COIL: variants seen among roughly 807,000 people sequenced by gnomAD.
The protein encoded by COIL is coilin p80.
Under a neutral mutation model 51.6 loss-of-function variants are expected in COIL, and 28 were observed. That is an observed-to-expected ratio of 0.54 (90% confidence interval 0.40 to 0.74). The LOEUF is 0.74. Ranked by LOEUF, COIL falls within the 30% of genes least tolerant of loss-of-function variation. COIL has a pLI of 0.00. For synonymous variants in COIL, 233 were observed against 255.8 expected (o/e 0.91, Z 0.85); for missense variants, 667 against 685.9 (o/e 0.97, Z 0.31).
chr17:56,951,895 G>T (rs1454189441), intron 1 of COIL: 1 of 161,842 alleles, frequency 6.2e-6, no homozygotes, highest in Non-Finnish European at 1.3e-5. Context: ...CTCCCTCCCA[G>T]GTTCAAGAGA....
rs112615715 is a variant in COIL, at chr17:56,942,237, A to G, written c.1559-114T>C. ...AACAACCACAAACAAACTGTCAATT[A>G]ATGTGAAGGCTGGGTATGTACAGGA... On this transcript the variant is annotated intron_variant, in intron 5 of 6. Coordinates refer to ENST00000240316, the MANE Select transcript of COIL (RefSeq NM_004645.3). 3.0e-4 allele frequency: 251 copies of G among 828,348 alleles called. 1 individual carries two copies. The African/African-American group carries it at 3.7e-3, about 12-fold the overall frequency. 51.3% of individuals were successfully genotyped at this position (828,348 alleles called of 1,614,324 possible). A position where few individuals can be genotyped will look rare whatever the true frequency, so the allele number is the denominator to read the frequency against.
chr17:56,947,825 T>C (rs1042267462), intron 4 of COIL, among the ~76,000 whole-genome samples: 5 of 152,048 alleles, frequency 3.3e-5, no homozygotes, highest in Non-Finnish European at 7.4e-5. Flanking sequence ...TTTATAGAGG[T>C]TGTGGGATGT....
Position 56,938,985 on chromosome 17 carries a change from A to G in COIL, c.*86T>C, listed in dbSNP as rs1416073035. The G allele has an allele frequency of 7.1e-6, 5 of 704,764 alleles. No homozygotes were observed. The highest frequency in any genetic ancestry group is 5.2e-5 in the Admixed American group (2 of 38,362). The allele number at this position is 704,764 out of a possible 1,614,324, so 43.7% of individuals were successfully genotyped here. A position where few individuals can be genotyped will look rare whatever the true frequency, so the allele number is the denominator to read the frequency against. ...ACAAAAAAATCCATACAACTTCCAA[A>G]TCCTCTTTAAAAAAAAAAAAAAGTT... is the stretch of plus-strand genomic sequence containing the variant. On this transcript the variant is annotated 3_prime_UTR_variant, in exon 7 of 7. Transcript: ENST00000240316.
In COIL at chr17:56,949,984, C is replaced by T; in HGVS notation, c.1258G>A (p.Gly420Arg). Residue 420 changes from glycine (G) to arginine (R), a missense_variant, in exon 2 of 7, where the codon GGG becomes AGG. By Grantham distance (125) the Gly-to-Arg change is moderately radical (BLOSUM62 -2). Transcript: ENST00000240316. Reference sequence around the variant, plus strand: ...TTTACAACACAGGAAACAGGATGCCCTCGTCCTCGACCTCTCCCCCGCATG... The same window carrying T: ...TTTACAACACAGGAAACAGGATGCCTTCGTCCTCGACCTCTCCCCCGCATG... ...RGMRGRGRGR[G>R]HPVSCVVNRS... 1.2e-6 allele frequency: 2 copies of T among 1,614,134 alleles called. No individual in the cohort carries two copies. The highest frequency in any genetic ancestry group is 1.7e-6 in the Non-Finnish European group (2 of 1,180,016).
chr17:56,954,931 T>C (rs1034853191), intron 1 of COIL, among the ~76,000 whole-genome samples: 17 of 152,222 alleles, frequency 1.1e-4, no homozygotes, highest in Non-Finnish European at 2.4e-4. Context: ...ATATTCTCTA[T>C]TTCTTTACCT....
chr17:56,942,743 T>A (rs540897028), intron 5 of COIL, among the ~76,000 whole-genome samples: 1 of 152,212 alleles, frequency 6.6e-6, no homozygotes, highest in Non-Finnish European at 1.5e-5. Context: ...CTCAAACTTC[T>A]GGCCTCAAGT....
At chr17:56,953,410 C>CAA (rs11382949) in intron 1 of COIL, among the ~76,000 whole-genome samples, 8,918 of 84,054 alleles carry the variant, frequency 0.11, 630 homozygotes, top group East Asian at 0.2. Context: ...GACTCCGTCT[C>CAA]AAAAAAAAAA....
In COIL at chr17:56,950,052, C is replaced by A; in HGVS notation, c.1190G>T (p.Arg397Ile). ...CTTCCAAGAAAAAAGGTTCTCTTCT[C>A]TACCCCATCCTCTTCCTAAACTAGC... ...LPASLGRGWG[R>I]EENLFSWKGA... Residue 397 changes from arginine (R) to isoleucine (I), a missense_variant, in exon 2 of 7, where the codon AGA (arginine) becomes ATA (isoleucine). Transcript: ENST00000240316. The A allele has an allele frequency of 6.2e-7, 1 of 1,614,160 alleles. No individual in the cohort carries two copies.
intron 4 of COIL, among the ~76,000 whole-genome samples, 182 bp from the exon 5 acceptor site, chr17:56,946,693 A>G (rs1178721613): frequency 1.3e-5 from 2 of 152,266 alleles, no homozygotes; most frequent in East Asian, 1.9e-4. Flanking sequence ...AGGTGGACTG[A>G]TAAACACTTT....
At chr17:56,945,529 ATATGTGAAAGTG>A (rs1007366309) in intron 5 of COIL, among the ~76,000 whole-genome samples, 2 of 152,220 alleles carry the variant, frequency 1.3e-5, no homozygotes, top group Non-Finnish European at 2.9e-5. Flanking sequence ...ATTTAAAATG[ATATGTGAAAGTG>A]TATGTATACA....
In COIL at chr17:56,950,502, G is replaced by A. The variant is rs756057531; in HGVS notation, c.740C>T (p.Ser247Phe). The A allele has an allele frequency of 1.9e-6, 3 of 1,614,216 alleles. No homozygotes were observed. The highest frequency in any genetic ancestry group is 2.5e-6 in the Non-Finnish European group (3 of 1,180,044). ...TTCATCACAAGATTCAGACTCCGAG[G>A]AGGAACTGGGACTCTCTTTTGAGCA... Reference protein sequence around the residue: ...SVCSKESPSSSSESESCDESI... With the variant: ...SVCSKESPSSFSESESCDESI... Residue 247 changes from serine to phenylalanine, a missense_variant, in exon 2 of 7, where the codon TCC (serine) becomes TTC (phenylalanine). Transcript: ENST00000240316.
rs916773108 is a variant in COIL at position 56,944,800 on chromosome 17, G to A, written c.1558+1642C>T. On this transcript the variant is annotated intron_variant, in intron 5 of 6. Coordinates refer to ENST00000240316, the MANE Select transcript of COIL (RefSeq NM_004645.3). The stretch of plus-strand genomic sequence containing the variant: ...TGGGAGGCCAAGGTGGGTGGATCAC[G>A]AGGTCAGGAGATCGAGACCATCCTG... Among the ~76,000 whole-genome samples, 15 of 149,240 alleles carry A rather than the reference G, an allele frequency of 1.0e-4. No individual in the cohort carries two copies. The East Asian group carries it at 1.6e-3, about 16-fold the overall frequency.
At position 56,950,154 on chromosome 17, in the gene COIL, C is replaced by A; in HGVS notation, c.1088G>T (p.Gly363Val). Residue 363 changes from glycine (G) to valine (V), a missense_variant, in exon 2 of 7, where the codon GGT becomes GTT. Physicochemically the swap from Gly to Val is moderately radical, Grantham distance 109 (BLOSUM62 -3). Coordinates refer to ENST00000240316, the MANE Select transcript of COIL (RefSeq NM_004645.3). Reference sequence around the variant, plus strand: ...GCCAGAACGCCTCCATCCAGCAGCACCTGCAGTCTGTGATGACAGCCCTGG... The same window carrying A: ...GCCAGAACGCCTCCATCCAGCAGCAACTGCAGTCTGTGATGACAGCCCTGG... Reference protein sequence around the residue: ...PGPGLSSQTAGAAGWRRSGSN... With the variant: ...PGPGLSSQTAVAAGWRRSGSN... 1 of 1,614,168 alleles carries A rather than the reference C, an allele frequency of 6.2e-7. No homozygotes were observed. Among genetic ancestry groups the A allele is most frequent in the Non-Finnish European group, 8.5e-7 (1 of 1,180,036 alleles).
intron 6 of COIL, 23 bp from the exon 7 acceptor site, chr17:56,939,177 C>A: frequency 7.7e-7 from 1 of 1,292,434 alleles, no homozygotes; most frequent in South Asian, 1.2e-5. Flanking sequence ...ACAAAATACC[C>A]AGTTTAGGCA....
intron 1 of COIL, among the ~76,000 whole-genome samples, chr17:56,957,526 G>A (rs1267256211): frequency 1.3e-5 from 2 of 151,466 alleles, no homozygotes; most frequent in African/African-American, 4.8e-5. Context: ...GGAGGCTGAG[G>A]CAGGAGAATC....
At chr17:56,947,281 T>C (rs1274767397) in intron 4 of COIL, among the ~76,000 whole-genome samples, 1 of 152,132 alleles carries the variant, frequency 6.6e-6, no homozygotes, top group Non-Finnish European at 1.5e-5. Context: ...AATTTAATTT[T>C]TGGAGACAAG....
chr17:56,947,086 C>A (rs1243669255), intron 4 of COIL, among the ~76,000 whole-genome samples: 1 of 152,140 alleles, frequency 6.6e-6, no homozygotes, highest in African/African-American at 2.4e-5. Flanking sequence ...GGATGCACTG[C>A]CCATGCACGT....
intron 5 of COIL, among the ~76,000 whole-genome samples, chr17:56,945,957 C>T (rs1403983743): frequency 6.6e-6 from 1 of 152,196 alleles, no homozygotes; most frequent in Non-Finnish European, 1.5e-5. Flanking sequence ...CTCAAGTGAT[C>T]CACCAACCTT....
At chr17:56,952,571 G>C (rs950992041) in intron 1 of COIL, among the ~76,000 whole-genome samples, 2 of 152,146 alleles carry the variant, frequency 1.3e-5, no homozygotes, top group African/African-American at 4.8e-5. Context: ...CTGAAGGCCT[G>C]AATAGAACAA....
Sources: allele counts gnomAD v4.1 joint callset (sites outside exome capture counted in the v4.1 genomes callset), GRCh38; gene constraint gnomAD v4.1.1; transcripts MANE v1.5; gene names NCBI Gene and HGNC (gene_info 2026-07-23, HGNC 2026-07-21).